The following XRCC4 variants were observed in gnomAD, a reference collection of about 807,000 sequenced individuals.
XRCC4 encodes DNA repair protein XRCC4.
Under a neutral mutation model 39.1 loss-of-function variants are expected in XRCC4, and 28 were observed. The ratio of observed to expected loss-of-function variants is 0.72; its 90% CI spans 0.53 to 0.98. The LOEUF is 0.98. Among genes scored for constraint, XRCC4 ranks in the 50% least tolerant of loss-of-function variants. The probability of loss-of-function intolerance (pLI) is 0.00; values close to 1 mark genes in which losing one functional copy is unlikely to be tolerated. For synonymous variants in XRCC4, 123 were observed against 126.4 expected (o/e 0.97, Z 0.18); for missense variants, 350 against 376.4 (o/e 0.93, Z 0.58).
At chr5:83,163,928 G>A (rs1165328937) in intron 3 of XRCC4, among the ~76,000 whole-genome samples, 1 of 152,110 alleles carries the variant, frequency 6.6e-6, no homozygotes, top group Non-Finnish European at 1.5e-5. Context: ...GCTAGGAGTT[G>A]GGAGAAAGAT....
At chr5:83,304,695 T>G (rs914698059) in intron 7 of XRCC4, among the ~76,000 whole-genome samples, 2 of 150,200 alleles carry the variant, frequency 1.3e-5, no homozygotes, top group Admixed American at 1.3e-4. Context: ...GCTTTGCTTC[T>G]GTAAAATTTA....
At chr5:83,166,696 C>G (rs1158043153) in intron 3 of XRCC4, among the ~76,000 whole-genome samples, 2 of 149,896 alleles carry the variant, frequency 1.3e-5, no homozygotes, top group African/African-American at 4.9e-5. Flanking sequence ...AGGCTGGTCT[C>G]GAACTCCTGG....
chr5:83,209,710 C>G (rs12514607), intron 6 of XRCC4, among the ~76,000 whole-genome samples: 64,080 of 151,694 alleles, frequency 0.42, 14,348 homozygotes, highest in Middle Eastern at 0.58. Flanking sequence ...ATCAGTATTT[C>G]AAAATTATAG....
At chr5:83,151,263 A>G (rs1017345160) in intron 3 of XRCC4, among the ~76,000 whole-genome samples, 1 of 152,136 alleles carries the variant, frequency 6.6e-6, no homozygotes, top group Non-Finnish European at 1.5e-5. Context: ...AGTCTTTTAT[A>G]TGAATAGTTT....
rs963662505 is a variant in XRCC4 at position 83,212,093 on chromosome 5, CATAT to C, written c.745+7173_745+7176del. Among the ~76,000 whole-genome samples, 16 of 151,652 alleles carry C rather than the reference CATAT, an allele frequency of 1.1e-4. 1 individual carries two copies. Among genetic ancestry groups the C allele is most frequent in the Admixed American group, 6.6e-5 (1 of 15,202 alleles). Reference sequence around the variant, plus strand: ...CTATATATATATACACACATACACACATATGTATGTTTATGTGTATATGTATATA... The same window carrying C: ...CTATATATATATACACACATACACACGTATGTTTATGTGTATATGTATATA... On this transcript the variant is annotated intron_variant, in intron 6 of 7. Coordinates refer to ENST00000396027, the MANE Select transcript of XRCC4 (RefSeq NM_003401.5).
At chr5:83,182,076 A>C (rs1172188849) in intron 3 of XRCC4, among the ~76,000 whole-genome samples, 2 of 152,170 alleles carry the variant, frequency 1.3e-5, no homozygotes, top group East Asian at 3.8e-4. Flanking sequence ...TGGTTTTCTC[A>C]TCCTTCTTTG....
intron 6 of XRCC4, among the ~76,000 whole-genome samples, chr5:83,243,030 T>C (rs181953600): frequency 3.0e-4 from 46 of 152,346 alleles, no homozygotes; most frequent in Non-Finnish European, 4.3e-4. Flanking sequence ...TCTTTCATCT[T>C]GTTTTTTTCT....
At chr5:83,160,567 A>G (rs1342064927) in intron 3 of XRCC4, among the ~76,000 whole-genome samples, 2 of 152,194 alleles carry the variant, frequency 1.3e-5, no homozygotes, top group African/African-American at 4.8e-5. Context: ...CAAGTGTACC[A>G]CGTGGGATGA....
At chr5:83,281,383 CA>C (rs1754531757) in intron 7 of XRCC4, among the ~76,000 whole-genome samples, 1 of 152,190 alleles carries the variant, frequency 6.6e-6, no homozygotes, top group African/African-American at 2.4e-5. Flanking sequence ...TTAGTATACA[CA>C]GGCTTTCATG....
intron 3 of XRCC4, among the ~76,000 whole-genome samples, chr5:83,127,904 T>C (rs910689655): frequency 1.3e-5 from 2 of 150,888 alleles, no homozygotes; most frequent in Admixed American, 6.6e-5. Context: ...TTCAGTACTT[T>C]AAGAGCATTG....
chr5:83,238,514 C>T (rs928497245), intron 6 of XRCC4, among the ~76,000 whole-genome samples: 1 of 151,992 alleles, frequency 6.6e-6, no homozygotes, highest in Admixed American at 6.6e-5. Flanking sequence ...GCACACAAAG[C>T]TCTATCCTGA....
At chr5:83,328,583 C>G (rs1375889564) in intron 7 of XRCC4, among the ~76,000 whole-genome samples, 1 of 152,018 alleles carries the variant, frequency 6.6e-6, no homozygotes, top group Non-Finnish European at 1.5e-5. Context: ...GATTTTTATT[C>G]TTTCTCCATT....
At chr5:83,229,659 CTTTTTTTTTT>C (rs61356475) in intron 6 of XRCC4, among the ~76,000 whole-genome samples, 1 of 103,718 alleles carries the variant, frequency 9.6e-6, no homozygotes, top group Non-Finnish European at 1.9e-5. Flanking sequence ...AATGTTTAAA[CTTTTTTTTTT>C]TTTTTTTTTT....
chr5:83,213,678 T>C (rs984775453), intron 6 of XRCC4, among the ~76,000 whole-genome samples: 4 of 152,084 alleles, frequency 2.6e-5, no homozygotes, highest in African/African-American at 7.2e-5. Context: ...TTTCAGAAAA[T>C]AGAGGAGGAG....
At chr5:83,113,026 A>G (rs1746522685) in intron 3 of XRCC4, among the ~76,000 whole-genome samples, 1 of 152,120 alleles carries the variant, frequency 6.6e-6, no homozygotes, top group Non-Finnish European at 1.5e-5. Context: ...TTTCAGCATT[A>G]ACTCACAAGT....
At chr5:83,084,915 C>T (rs1222283958) in intron 1 of XRCC4, among the ~76,000 whole-genome samples, 3 of 152,036 alleles carry the variant, frequency 2.0e-5, no homozygotes, top group South Asian at 2.1e-4. Context: ...AAAAGGAAAT[C>T]GATTAGCTCT....
At chr5:83,330,624 T>C (rs1756408010) in intron 7 of XRCC4, among the ~76,000 whole-genome samples, 1 of 152,018 alleles carries the variant, frequency 6.6e-6, no homozygotes, top group South Asian at 2.1e-4. Flanking sequence ...AGATTGGATA[T>C]AACTACATTG....
At position 83,261,883 on chromosome 5, in the gene XRCC4, A is replaced by T. The variant is rs76314868; in HGVS notation, c.893+3206A>T. Among the ~76,000 whole-genome samples, 435 of 152,258 alleles carry T rather than the reference A, an allele frequency of 2.9e-3. 12 individuals are homozygous for T. In the East Asian group the frequency reaches 0.072, roughly 25 times the overall value. The stretch of plus-strand genomic sequence containing the variant: ...TCCATGAGAAAAGTATTCATTTTTT[A>T]AATTTAACTGTTTATAGGTATTTTA... On this transcript the variant is annotated intron_variant, in intron 7 of 7. Coordinates refer to ENST00000396027, the MANE Select transcript of XRCC4 (RefSeq NM_003401.5).
At chr5:83,210,844 G>GTTT (rs1441401802) in intron 6 of XRCC4, among the ~76,000 whole-genome samples, 3 of 152,124 alleles carry the variant, frequency 2.0e-5, no homozygotes, top group Non-Finnish European at 1.5e-5. Context: ...TTTTGACTTA[G>GTTT]TATTTATTCA....
Sources: allele counts gnomAD v4.1 joint callset (sites outside exome capture counted in the v4.1 genomes callset), GRCh38; gene constraint gnomAD v4.1.1; transcripts MANE v1.5; gene names NCBI Gene and HGNC (gene_info 2026-07-23, HGNC 2026-07-21).